Variants in REEP1 observed in about 807,000 individuals in gnomAD.
The protein encoded by REEP1 is receptor accessory protein 1.
A neutral mutation model predicts 40.3 loss-of-function variants in REEP1; 22 were observed. That is an observed-to-expected ratio of 0.55 (90% confidence interval 0.39 to 0.78). REEP1 has a LOEUF of 0.78. REEP1 is among the 30% of genes least tolerant of loss of function. The pLI, the probability that REEP1 is intolerant of heterozygous loss-of-function variation, is 0.00. For synonymous variants in REEP1, 116 were observed against 139.2 expected, an observed-to-expected ratio of 0.83 and a Z score of 1.17; for missense variants, 280 against 361.1, an observed-to-expected ratio of 0.78 and a Z score of 1.82.
At chr2:86,309,542 C>A (rs1246960608) in intron 1 of REEP1, among the ~76,000 whole-genome samples, 1 of 152,246 alleles carries the variant, frequency 6.6e-6, no homozygotes, top group Non-Finnish European at 1.5e-5. Flanking sequence ...AAAAACACTA[C>A]AGACGGGATG....
chr2:86,302,073 C>A lies in REEP1; in HGVS notation c.33-19831G>T, dbSNP rs905509888. On this transcript the variant is annotated intron_variant, in intron 1 of 8. Coordinates refer to ENST00000538924, the MANE Select transcript of REEP1 (RefSeq NM_001371279.1). ...CTTGACTTCCTCATTAATGGATGTG[C>A]AGCTAATGGAGTGCTGCCTGCAGCT... Among the ~76,000 whole-genome samples, 7 of 152,254 alleles carry A rather than the reference C, an allele frequency of 4.6e-5. No homozygotes were observed. The South Asian group carries it at 1.4e-3, about 32-fold the overall frequency.
At chr2:86,284,996 C>T (rs1209348000) in intron 1 of REEP1, among the ~76,000 whole-genome samples, 1 of 152,338 alleles carries the variant, frequency 6.6e-6, no homozygotes, top group African/African-American at 2.4e-5. Context: ...TCTTCTTAAC[C>T]TATTTTGGAA....
chr2:86,306,532 T>G (rs1679486212), intron 1 of REEP1, among the ~76,000 whole-genome samples: 1 of 152,218 alleles, frequency 6.6e-6, no homozygotes, highest in Non-Finnish European at 1.5e-5. Flanking sequence ...GGAAGGATTT[T>G]ATGTAAAACT....
intron 3 of REEP1, among the ~76,000 whole-genome samples, chr2:86,262,924 G>T (rs1676941774): frequency 6.6e-6 from 1 of 152,164 alleles, no homozygotes; most frequent in African/African-American, 2.4e-5. Flanking sequence ...GCAATACAAA[G>T]ATCTAGCTTG....
chr2:86,224,435 C>T (rs536357933), intron 7 of REEP1, among the ~76,000 whole-genome samples: 197 of 152,318 alleles, frequency 1.3e-3, no homozygotes, highest in African/African-American at 4.4e-3. Context: ...GCTGGGAGGA[C>T]CAAGGGACAC....
intron 2 of REEP1, among the ~76,000 whole-genome samples, chr2:86,267,401 T>A (rs2104323912): frequency 6.6e-6 from 1 of 152,354 alleles, no homozygotes; most frequent in East Asian, 1.9e-4. Flanking sequence ...GTAAGTTCCC[T>A]GAGGCCTCCC....
chr2:86,305,187 A>G (rs1487614163), intron 1 of REEP1, among the ~76,000 whole-genome samples: 1 of 152,208 alleles, frequency 6.6e-6, no homozygotes, highest in Non-Finnish European at 1.5e-5. Flanking sequence ...TGAGGCCCAG[A>G]TGGTCCCTCT....
intron 6 of REEP1, among the ~76,000 whole-genome samples, chr2:86,228,616 G>C (rs888541347): frequency 6.6e-6 from 1 of 151,928 alleles, no homozygotes; most frequent in Admixed American, 6.6e-5. Flanking sequence ...CCGCCTTCAC[G>C]CCCAGCTAAT....
intron 2 of REEP1, among the ~76,000 whole-genome samples, chr2:86,281,285 A>G (rs1051992695): frequency 3.3e-5 from 5 of 152,188 alleles, no homozygotes; most frequent in African/African-American, 1.2e-4. Flanking sequence ...CTGACCAGTA[A>G]GTCCTCCCAG....
intron 1 of REEP1, among the ~76,000 whole-genome samples, chr2:86,300,695 A>G (rs980840512): frequency 6.6e-6 from 1 of 152,164 alleles, no homozygotes; most frequent in Non-Finnish European, 1.5e-5. Context: ...CCTCTTTACA[A>G]TAAAGAGTTG....
chr2:86,221,075 C>T (rs769800781), intron 7 of REEP1, among the ~76,000 whole-genome samples: 7 of 152,156 alleles, frequency 4.6e-5, no homozygotes, highest in African/African-American at 7.2e-5. Context: ...GTCCAATCAC[C>T]GTGAGGCCTC....
intron 2 of REEP1, among the ~76,000 whole-genome samples, chr2:86,269,811 A>G (rs1282480953): frequency 1.3e-5 from 2 of 152,186 alleles, no homozygotes; most frequent in Non-Finnish European, 2.9e-5. Flanking sequence ...TATAAAACAC[A>G]TATCTGATAA....
chr2:86,290,118 T>C (rs1243314313), intron 1 of REEP1, among the ~76,000 whole-genome samples: 1 of 152,202 alleles, frequency 6.6e-6, no homozygotes, highest in Non-Finnish European at 1.5e-5. Context: ...TGCCTCAGTC[T>C]CCTGAGTAGC....
At chr2:86,280,303 C>T (rs1420090722) in intron 2 of REEP1, among the ~76,000 whole-genome samples, 1 of 152,228 alleles carries the variant, frequency 6.6e-6, no homozygotes, top group East Asian at 1.9e-4. Context: ...TGCTCAGCAG[C>T]CAACACAAAC....
chr2:86,236,217 C>CAA (rs397829762), intron 5 of REEP1, among the ~76,000 whole-genome samples: 50 of 138,710 alleles, frequency 3.6e-4, no homozygotes, highest in African/African-American at 1.0e-3. Context: ...AACTTCATCT[C>CAA]AAAAAAAAAA....
At chr2:86,314,718 C>T (rs987914273) in intron 1 of REEP1, among the ~76,000 whole-genome samples, 10 of 149,400 alleles carry the variant, frequency 6.7e-5, no homozygotes, top group African/African-American at 2.2e-4. Context: ...TTGCCCAGGC[C>T]GGAGTGCAGT....
chr2:86,305,809 A>G (rs1443637679), intron 1 of REEP1, among the ~76,000 whole-genome samples: 1 of 152,104 alleles, frequency 6.6e-6, no homozygotes, highest in Non-Finnish European at 1.5e-5. Context: ...TCACAACTCC[A>G]GCCCTCCTCA....
At chr2:86,217,324 G>C (rs1674168968) in intron 8 of REEP1, among the ~76,000 whole-genome samples, 1 of 152,168 alleles carries the variant, frequency 6.6e-6, no homozygotes, top group Non-Finnish European at 1.5e-5. Context: ...AGAGGCTGAT[G>C]CCTCCCTCTT....
rs559259394 is a variant in REEP1, at chr2:86,295,452, G to A, written c.33-13210C>T. ...TTTGATGCTTTGAAGGGCAATCCTC[G>A]GTAATGCTCTAAAAAGTATGGTGGA... On this transcript the variant is annotated intron_variant, in intron 1 of 8. Coordinates refer to ENST00000538924, the MANE Select transcript of REEP1 (RefSeq NM_001371279.1). Among the ~76,000 whole-genome samples, 8 of 152,290 alleles carry A rather than the reference G, an allele frequency of 5.3e-5. No individual in the cohort carries two copies. In the South Asian group the frequency reaches 1.4e-3, roughly 28 times the overall value.
Sources: gnomAD v4.1 joint callset for allele counts (sites outside exome capture counted in the v4.1 genomes callset) on GRCh38, gnomAD v4.1.1 for gene constraint, MANE v1.5 for transcripts, NCBI Gene and HGNC (gene_info 2026-07-23, HGNC 2026-07-21) for gene names.